CSMD3: variants seen among roughly 807,000 people sequenced by gnomAD.
CSMD3 encodes the protein CUB and Sushi multiple domains 3, also known as CUB and sushi domain-containing protein 3.
Under a neutral mutation model 435.2 loss-of-function variants are expected in CSMD3, and 177 were observed. The ratio of observed to expected loss-of-function variants is 0.41; its 90% CI spans 0.36 to 0.46. The LOEUF is 0.46. Among genes scored for constraint, CSMD3 ranks in the 20% least tolerant of loss-of-function variants. The probability of loss-of-function intolerance (pLI) is 0.34; values close to 1 mark genes in which losing one functional copy is unlikely to be tolerated. For synonymous variants in CSMD3, 1,656 were observed against 1,520.5 expected, an observed-to-expected ratio of 1.09 and a Z score of -2.07; for missense variants, 4,265 against 4,504.6, an observed-to-expected ratio of 0.95 and a Z score of 1.52.
chr8:113,281,946 G>C (rs117946656), intron 2 of CSMD3, among the ~76,000 whole-genome samples: 2,049 of 151,872 alleles, frequency 0.013, 55 homozygotes, highest in African/African-American at 0.047. Context: ...GCTTAGTTTC[G>C]CTGGAAACAA....
intron 1 of CSMD3, among the ~76,000 whole-genome samples, chr8:113,347,244 CT>C (rs2094158215): frequency 6.6e-6 from 1 of 152,122 alleles, no homozygotes. Context: ...TTGACACTTA[CT>C]TTTCTTCACT....
chr8:113,124,256 G>A (rs2091063766), intron 4 of CSMD3, among the ~76,000 whole-genome samples: 1 of 151,922 alleles, frequency 6.6e-6, no homozygotes, highest in Non-Finnish European at 1.5e-5. Context: ...GTCCTTCATG[G>A]TTTGCTAAAT....
At chr8:112,616,608 G>T (rs890417083) in intron 22 of CSMD3, among the ~76,000 whole-genome samples, 15 of 152,078 alleles carry the variant, frequency 9.9e-5, no homozygotes, top group African/African-American at 3.6e-4. Flanking sequence ...TCATGGATTT[G>T]GCTGGTAAGG....
At chr8:113,165,534 T>A (rs1307319240) in intron 4 of CSMD3, among the ~76,000 whole-genome samples, 1 of 152,088 alleles carries the variant, frequency 6.6e-6, no homozygotes, top group Non-Finnish European at 1.5e-5. Context: ...CTCAGTTGCC[T>A]CAAAAAGAGA....
At chr8:112,304,116 A>G (rs1821182336) in intron 52 of CSMD3, among the ~76,000 whole-genome samples, 1 of 152,170 alleles carries the variant, frequency 6.6e-6, no homozygotes. Flanking sequence ...ATTTGGTTCA[A>G]TAATATTTAT....
At chr8:113,362,232 T>C (rs1038724212) in intron 1 of CSMD3, among the ~76,000 whole-genome samples, 1 of 152,088 alleles carries the variant, frequency 6.6e-6, no homozygotes, top group Non-Finnish European at 1.5e-5. Context: ...AAATAAACTA[T>C]AACTCACAGA....
At chr8:112,533,086 A>G (rs1240179853) in intron 27 of CSMD3, among the ~76,000 whole-genome samples, 2 of 152,218 alleles carry the variant, frequency 1.3e-5, no homozygotes, top group East Asian at 3.9e-4. Context: ...TTTGTAAGCC[A>G]TACAGTAATC....
At chr8:112,650,642 C>T (rs1449938591) in intron 18 of CSMD3, among the ~76,000 whole-genome samples, 1 of 152,046 alleles carries the variant, frequency 6.6e-6, no homozygotes, top group Admixed American at 6.6e-5. Flanking sequence ...TCACAATAAT[C>T]ATAGCAATAG....
chr8:112,994,923 C>G (rs905471606), intron 6 of CSMD3, among the ~76,000 whole-genome samples: 2 of 151,194 alleles, frequency 1.3e-5, no homozygotes, highest in Non-Finnish European at 3.0e-5. Flanking sequence ...TTTGAAAAGA[C>G]AAAATGGTAA....
intron 22 of CSMD3, among the ~76,000 whole-genome samples, chr8:112,624,029 G>A (rs1010843068): frequency 1.3e-5 from 2 of 151,998 alleles, no homozygotes; most frequent in African/African-American, 4.8e-5. Context: ...CAGAGGAGGG[G>A]ACATACTCCT....
At chr8:113,117,619 C>T (rs908108929) in intron 4 of CSMD3, among the ~76,000 whole-genome samples, 5 of 152,222 alleles carry the variant, frequency 3.3e-5, no homozygotes, top group Non-Finnish European at 4.4e-5. Context: ...TCACGGACAG[C>T]TTGCACTGTT....
In CSMD3 at chr8:112,652,831, A is replaced by G. The variant is rs112750004; in HGVS notation, c.3005-2482T>C. On this transcript the variant is annotated intron_variant, in intron 18 of 70. Coordinates refer to ENST00000297405, the MANE Select transcript of CSMD3 (RefSeq NM_198123.2). ...TAGCTTTAGAAGATTTTTTTTTTAGACAGAGTCTCACCCATCCTACAGGCT... is the reference window on the plus strand; with the variant it reads ...TAGCTTTAGAAGATTTTTTTTTTAGGCAGAGTCTCACCCATCCTACAGGCT... 1.8e-4 allele frequency among the ~76,000 whole-genome samples: 28 copies of G among 152,058 alleles called. 1 individual carries two copies. The highest frequency in any genetic ancestry group is 6.5e-4 in the African/African-American group (27 of 41,496).
At position 113,436,841 on chromosome 8, in the gene CSMD3, C is replaced by T. The variant is rs143125587; in HGVS notation, c.14G>A (p.Arg5His). The T allele has an allele frequency of 6.2e-7, 1 of 1,613,986 alleles. No individual in the cohort carries two copies. Among genetic ancestry groups the T allele is most frequent in the Non-Finnish European group, 8.5e-7 (1 of 1,180,040 alleles). Reference sequence around the variant, plus strand: ...TTCCTTTGCTCGGCTTTCCCCTTTGCGGATCCCTTTCATATTATTCGCGAG... The same window carrying T: ...TTCCTTTGCTCGGCTTTCCCCTTTGTGGATCCCTTTCATATTATTCGCGAG... The part of the protein sequence containing the change: MKGI[R>H]KGESRAKESK... The change falls in exon 1 of 71, where the codon CGC becomes CAC. Residue 5 changes from arginine to histidine, a missense_variant. By Grantham distance (29) the Arg-to-His change is conservative. Coordinates refer to ENST00000297405, the MANE Select transcript of CSMD3 (RefSeq NM_198123.2).
In CSMD3 at chr8:112,626,255, T is replaced by G. The variant is rs756131452; in HGVS notation, c.3715+10562A>C. ...GTATTCAACCGAAGCCCACCCCTGT[T>G]GATGCCACCAAACTCAAGGCCAGTT... On this transcript the variant is annotated intron_variant, in intron 22 of 70. Transcript: ENST00000297405. Among the ~76,000 whole-genome samples, 3 of 152,112 alleles carry G rather than the reference T, an allele frequency of 2.0e-5. No individual in the cohort carries two copies. The South Asian group carries it at 6.2e-4, about 32-fold the overall frequency.
chr8:112,422,244 T>C (rs1462160979), intron 32 of CSMD3, among the ~76,000 whole-genome samples: 2 of 152,206 alleles, frequency 1.3e-5, no homozygotes, highest in African/African-American at 4.8e-5. Flanking sequence ...ATTTTATAAT[T>C]TATTTATAAA....
chr8:112,886,163 TA>T (rs1201758206), intron 10 of CSMD3, among the ~76,000 whole-genome samples: 1 of 151,640 alleles, frequency 6.6e-6, no homozygotes, highest in Non-Finnish European at 1.5e-5. Flanking sequence ...TAATTTTAAA[TA>T]AATCTTTAAT....
intron 23 of CSMD3, among the ~76,000 whole-genome samples, chr8:112,584,410 A>C (rs1034059908): frequency 1.3e-5 from 2 of 151,850 alleles, no homozygotes; most frequent in Non-Finnish European, 2.9e-5. Context: ...ATGGTTTTAA[A>C]TAAAGTTGTT....
chr8:112,420,288 A>G (rs538896230), intron 32 of CSMD3, among the ~76,000 whole-genome samples: 2 of 152,246 alleles, frequency 1.3e-5, no homozygotes, highest in East Asian at 3.9e-4. Flanking sequence ...TGTATCCCCA[A>G]CCTGGAGTAC....
intron 32 of CSMD3, among the ~76,000 whole-genome samples, chr8:112,450,267 A>G (rs1816108201): frequency 6.6e-6 from 1 of 152,204 alleles, no homozygotes; most frequent in Admixed American, 6.5e-5. Flanking sequence ...TTTAAGAACC[A>G]TACTATCAAA....
Sources: gnomAD v4.1 joint callset for allele counts (sites outside exome capture counted in the v4.1 genomes callset) on GRCh38, gnomAD v4.1.1 for gene constraint, MANE v1.5 for transcripts, NCBI Gene and HGNC (gene_info 2026-07-23, HGNC 2026-07-21) for gene names.